The following ABAT variants were observed in gnomAD, a reference collection of about 807,000 sequenced individuals.
The protein encoded by ABAT is 4-aminobutyrate aminotransferase, also known as 4-aminobutyrate aminotransferase, mitochondrial.
ABAT carries 45 observed loss-of-function variants against 64.6 expected under a neutral mutation model. That is an observed-to-expected ratio of 0.70 (90% confidence interval 0.55 to 0.89). The LOEUF (loss-of-function observed/expected upper bound fraction) is 0.89, where lower values mean the gene tolerates loss of function less well. ABAT is among the 40% of genes least tolerant of loss of function. ABAT has a pLI of 0.00. For missense variants in ABAT, 633 were observed against 658.4 expected, an observed-to-expected ratio of 0.96 and a Z score of 0.42; for synonymous variants, 297 against 250.5, an observed-to-expected ratio of 1.19 and a Z score of -1.75.
chr16:8,726,935 T>C (rs1262957135), intron 1 of ABAT, among the ~76,000 whole-genome samples: 1 of 152,236 alleles, frequency 6.6e-6, no homozygotes, highest in African/African-American at 2.4e-5. Context: ...CCTTCTCTGA[T>C]GATCAGTGAT....
At chr16:8,711,224 G>A (rs186056814) in intron 1 of ABAT, among the ~76,000 whole-genome samples, 245 of 152,278 alleles carry the variant, frequency 1.6e-3, no homozygotes, top group African/African-American at 5.4e-3. Flanking sequence ...CCCCTGCATC[G>A]TGAATATGGC....
At chr16:8,733,015 C>CGGG (rs2058787491) in intron 1 of ABAT, among the ~76,000 whole-genome samples, 1 of 148,660 alleles carries the variant, frequency 6.7e-6, no homozygotes, top group African/African-American at 2.6e-5. Flanking sequence ...GGCGGCTGGC[C>CGGG]TGGCAGGGGG....
At position 8,781,642 on chromosome 16, in the gene ABAT, C is replaced by A; in HGVS notation, c.*212C>A. On this transcript the variant is annotated 3_prime_UTR_variant, in exon 16 of 16. Transcript: ENST00000268251. This position sits in a 1 kb window ranked among gnomAD's most constrained non-coding sequence, Gnocchi z 4.5. ...TCCTCCCTGCAGAGCCAATGGTGCA[C>A]ATTGGTTTAAGCCCAGAGATCCTGC... 1.5e-6 allele frequency: 1 copy of A among 659,886 alleles called. No individual in the cohort carries two copies. The highest frequency in any genetic ancestry group is 2.6e-6 in the Non-Finnish European group (1 of 380,260). The allele number at this position is 659,886 out of a possible 1,614,324, so 40.9% of individuals were successfully genotyped here. A position where few individuals can be genotyped will look rare whatever the true frequency, so the allele number is the denominator to read the frequency against.
intron 8 of ABAT, 46 bp from the exon 9 acceptor site, chr16:8,766,162 C>G (rs1262869770): frequency 1.3e-6 from 2 of 1,573,534 alleles, no homozygotes; most frequent in East Asian, 2.2e-5. Flanking sequence ...GAAGCCCCGA[C>G]TACCCCAGAG....
At chr16:8,759,584 C>T (rs370447477) in intron 6 of ABAT, among the ~76,000 whole-genome samples, 1 of 152,194 alleles carries the variant, frequency 6.6e-6, no homozygotes, top group South Asian at 2.1e-4. Context: ...GCAATCATGG[C>T]TCACTGCAGC....
intron 11 of ABAT, among the ~76,000 whole-genome samples, chr16:8,769,979 T>C (rs1448335696): frequency 6.6e-6 from 1 of 152,112 alleles, no homozygotes; most frequent in African/African-American, 2.4e-5. Context: ...GGGTATTCAG[T>C]GGTAAATAGA....
rs569475873 is a variant in ABAT, at chr16:8,764,992, G to A, written c.540+162G>A. 2.0e-5 allele frequency among the ~76,000 whole-genome samples: 3 copies of A among 152,034 alleles called. No homozygotes were observed. Among genetic ancestry groups the A allele is most frequent in the South Asian group, 2.1e-4 (1 of 4,820 alleles). On this transcript the variant is annotated intron_variant, in intron 8 of 15. Coordinates refer to ENST00000268251, the MANE Select transcript of ABAT (RefSeq NM_020686.6). This position sits in a 1 kb window ranked among gnomAD's most constrained non-coding sequence, Gnocchi z 4.2. ...CCACTGCTGGATGGTACTTTGAGAC[G>A]GCACAGTGGGGTATGGTGCAGAGGG... is the stretch of plus-strand genomic sequence containing the variant.
chr16:8,715,894 G>A (rs2058203523), intron 1 of ABAT, among the ~76,000 whole-genome samples: 1 of 145,448 alleles, frequency 6.9e-6, no homozygotes, highest in South Asian at 2.1e-4. Context: ...AGGATTCAAG[G>A]ATGAAATATC....
intron 1 of ABAT, among the ~76,000 whole-genome samples, chr16:8,731,822 C>CCT (rs1355465165): frequency 6.6e-6 from 1 of 151,844 alleles, no homozygotes; most frequent in Non-Finnish European, 1.5e-5. Flanking sequence ...TTCCCCCAGC[C>CCT]CTCGGCAACC....
At chr16:8,680,856 A>T (rs1032697649) in intron 1 of ABAT, among the ~76,000 whole-genome samples, 2 of 151,984 alleles carry the variant, frequency 1.3e-5, no homozygotes, top group African/African-American at 4.8e-5. Flanking sequence ...GCTTATTTGT[A>T]TATTATCTTC....
intron 1 of ABAT, among the ~76,000 whole-genome samples, chr16:8,735,068 T>A (rs1425081839): frequency 1.2e-4 from 18 of 145,412 alleles, no homozygotes; most frequent in Non-Finnish European, 3.0e-5. Flanking sequence ...TCACTGGGCA[T>A]GGTAGCACAT....
rs1309425691 is a variant in ABAT at position 8,764,964 on chromosome 16, G to A, written c.540+134G>A. 16 of 841,826 alleles carry A rather than the reference G, an allele frequency of 1.9e-5. No individual in the cohort carries two copies. The Admixed American group carries it at 3.0e-4, about 16-fold the overall frequency. 52.1% of individuals were successfully genotyped at this position (841,826 alleles called of 1,614,324 possible). A position where few individuals can be genotyped will look rare whatever the true frequency, so the allele number is the denominator to read the frequency against. ...CAGTACCAGGGTTAAAATACAGGGA[G>A]GGCCACTGCTGGATGGTACTTTGAG... On this transcript the variant is annotated intron_variant, in intron 8 of 15. Transcript: ENST00000268251. The surrounding 1 kb of genome is among the most constrained non-coding windows in gnomAD (Gnocchi z 4.2).
In ABAT at chr16:8,733,363, G is replaced by A. The variant is rs530943371; in HGVS notation, c.-41-2336G>A. Among the ~76,000 whole-genome samples, 815 of 151,072 alleles carry A rather than the reference G, an allele frequency of 5.4e-3. 39 individuals carry two copies. The highest frequency in any genetic ancestry group is 0.019 in the African/African-American group (782 of 40,626). On this transcript the variant is annotated intron_variant, in intron 1 of 15. Transcript: ENST00000268251. ...ACTTTCCAGACTGGGCAGCCAGGCCGAGGGGCTCCTCACATCCCAGACGAT... is the reference window on the plus strand; with the variant it reads ...ACTTTCCAGACTGGGCAGCCAGGCCAAGGGGCTCCTCACATCCCAGACGAT...
Position 8,746,098 on chromosome 16 carries a change from G to A in ABAT, c.168G>A (p.Gln56=). The part of the protein sequence containing the change: ...MKTEVPGPRS[Q]ELMKQLNIIQ... The stretch of plus-strand genomic sequence containing the variant: ...CGGAAGTCCCAGGGCCTAGATCTCA[G>A]GTGAGTTGAGCACACCTGAGTGGGG... Residue 56 remains glutamine (Q), a splice_region_variant and synonymous_variant, in exon 3 of 16, where the codon CAG becomes CAA. Coordinates refer to ENST00000268251, the MANE Select transcript of ABAT (RefSeq NM_020686.6). 6.2e-7 allele frequency: 1 copy of A among 1,611,702 alleles called. No homozygotes were observed. Among genetic ancestry groups the A allele is most frequent in the Non-Finnish European group, 8.5e-7 (1 of 1,178,706 alleles).
chr16:8,749,847 G>C (rs1407595145), intron 4 of ABAT, among the ~76,000 whole-genome samples: 2 of 152,146 alleles, frequency 1.3e-5, no homozygotes, highest in Non-Finnish European at 2.9e-5. Context: ...CTGAGTAGCT[G>C]GGATCACAGG....
At chr16:8,756,863 A>C (rs79390594) in intron 5 of ABAT, among the ~76,000 whole-genome samples, 3 of 152,190 alleles carry the variant, frequency 2.0e-5, no homozygotes, top group Non-Finnish European at 4.4e-5. Context: ...AATTCATAGA[A>C]GAGCAATTGC....
intron 1 of ABAT, among the ~76,000 whole-genome samples, chr16:8,702,875 ACGG>A (rs2057856485): frequency 6.6e-6 from 1 of 151,954 alleles, no homozygotes; most frequent in Non-Finnish European, 1.5e-5. Context: ...TGCTTAGGAC[ACGG>A]CGGGAGCCCT....
At chr16:8,708,791 G>A (rs966007921) in intron 1 of ABAT, among the ~76,000 whole-genome samples, 4 of 152,190 alleles carry the variant, frequency 2.6e-5, no homozygotes, top group African/African-American at 7.2e-5. Flanking sequence ...CCGGGATCTT[G>A]GGCATGTTCT....
intron 2 of ABAT, among the ~76,000 whole-genome samples, chr16:8,743,049 C>G (rs2059211130): frequency 6.8e-6 from 1 of 147,472 alleles, no homozygotes; most frequent in South Asian, 2.2e-4. Context: ...GTTCTAGGAC[C>G]TTTAGCTCTC....
Sources: allele counts gnomAD v4.1 joint callset (sites outside exome capture counted in the v4.1 genomes callset), GRCh38; gene constraint gnomAD v4.1.1; non-coding constraint Gnocchi (gnomAD v3.1); transcripts MANE v1.5; gene names NCBI Gene and HGNC (gene_info 2026-07-23, HGNC 2026-07-21).